Variants in PCMTD1 observed in about 807,000 individuals in gnomAD.
PCMTD1 encodes the protein protein-L-isoaspartate (D-aspartate) O-methyltransferase domain containing 1, also known as protein-L-isoaspartate O-methyltransferase domain-containing protein 1.
In PCMTD1, 12 loss-of-function variants were observed where a neutral mutation model predicts 37.6. The observed-to-expected ratio is 0.32, with a 90% CI of 0.20 to 0.52. PCMTD1 has a LOEUF of 0.52. PCMTD1 is among the 20% of genes least tolerant of loss of function. PCMTD1 has a pLI of 0.97. For missense variants in PCMTD1, 235 were observed against 421.3 expected (o/e 0.56, Z 3.87); for synonymous variants, 117 against 135.8 (o/e 0.86, Z 0.96).
chr8:51,886,617 C>T (rs1310438165), intron 1 of PCMTD1, among the ~76,000 whole-genome samples: 3 of 152,154 alleles, frequency 2.0e-5, no homozygotes, highest in African/African-American at 7.2e-5. Context: ...CTCAATGCCA[C>T]CCCCATTTAA....
rs116346929 is a variant in PCMTD1 at position 51,876,866 on chromosome 8, A to G, written c.-95-15620T>C. The stretch of plus-strand genomic sequence containing the variant: ...TAGAATGGCAACTAATAAATGTAGA[A>G]GAAATAATGGTGTTAGAAAAACACC... On this transcript the variant is annotated intron_variant, in intron 1 of 5. Transcript: ENST00000522514. Among the ~76,000 whole-genome samples, 135 of 152,368 alleles carry G rather than the reference A, an allele frequency of 8.9e-4. 1 individual carries two copies. Among genetic ancestry groups the G allele is most frequent in the African/African-American group, 3.1e-3 (130 of 41,592 alleles).
chr8:51,844,622 G>A (rs915860694), intron 3 of PCMTD1, among the ~76,000 whole-genome samples: 1 of 152,136 alleles, frequency 6.6e-6, no homozygotes, highest in South Asian at 2.1e-4. Flanking sequence ...AGAGGAAGGG[G>A]AGGAAGGCCA....
intron 5 of PCMTD1, among the ~76,000 whole-genome samples, chr8:51,823,909 G>A (rs938074987): frequency 1.3e-5 from 2 of 152,106 alleles, no homozygotes; most frequent in Non-Finnish European, 2.9e-5. Context: ...ATCAATAAAC[G>A]TAATCCATCA....
At chr8:51,845,930 T>C (rs2038211784) in intron 2 of PCMTD1, among the ~76,000 whole-genome samples, 167 bp from the exon 3 acceptor site, 1 of 152,060 alleles carries the variant, frequency 6.6e-6, no homozygotes, top group South Asian at 2.1e-4. Context: ...TCCACGTACA[T>C]TGCTTTAATG....
chr8:51,868,892 A>G (rs1198083436), intron 1 of PCMTD1, among the ~76,000 whole-genome samples: 1 of 152,204 alleles, frequency 6.6e-6, no homozygotes, highest in Non-Finnish European at 1.5e-5. Context: ...AACCACTGTC[A>G]TTATTAACTT....
At chr8:51,895,938 C>CTTTTTT (rs869265261) in intron 1 of PCMTD1, 315 of 25,652 alleles carry the variant, frequency 0.012, no homozygotes, top group African/African-American at 0.014. Flanking sequence ...TGTCCCATTT[C>CTTTTTT]TTTTTTTTTT....
At chr8:51,821,772 C>T (rs1349381044) in intron 5 of PCMTD1, among the ~76,000 whole-genome samples, 2 of 150,500 alleles carry the variant, frequency 1.3e-5, no homozygotes, top group Admixed American at 6.6e-5. Flanking sequence ...GAGTTTCACT[C>T]TGTCACCAGG....
chr8:51,851,072 TATTTA>T (rs1423787276), intron 2 of PCMTD1, among the ~76,000 whole-genome samples: 11 of 152,338 alleles, frequency 7.2e-5, no homozygotes, highest in African/African-American at 2.2e-4. Flanking sequence ...TATTAAGATA[TATTTA>T]ATTTATTTCT....
intron 2 of PCMTD1, among the ~76,000 whole-genome samples, chr8:51,847,540 T>C (rs2038239664): frequency 1.3e-5 from 2 of 151,978 alleles, no homozygotes; most frequent in Admixed American, 6.6e-5. Flanking sequence ...GGCTTGAGAA[T>C]TGCTTCAACT....
At chr8:51,845,437 A>C in intron 3 of PCMTD1, 1 of 389,276 alleles carries the variant, frequency 2.6e-6, no homozygotes, top group Non-Finnish European at 4.7e-6. Flanking sequence ...CATTACTAAT[A>C]AAGTTGTAGT....
intron 2 of PCMTD1, among the ~76,000 whole-genome samples, chr8:51,860,083 A>G (rs1177693526): frequency 1.3e-5 from 2 of 152,208 alleles, no homozygotes; most frequent in Non-Finnish European, 2.9e-5. Flanking sequence ...TCTTCCACCT[A>G]TATTCCATGT....
intron 2 of PCMTD1, among the ~76,000 whole-genome samples, chr8:51,847,172 A>G (rs1178359293): frequency 1.3e-5 from 2 of 152,210 alleles, no homozygotes; most frequent in Non-Finnish European, 2.9e-5. Flanking sequence ...GTAAAACTAA[A>G]ATTTTTATAT....
At chr8:51,822,285 T>C (rs1346431294) in intron 5 of PCMTD1, among the ~76,000 whole-genome samples, 2 of 151,842 alleles carry the variant, frequency 1.3e-5, no homozygotes, top group Non-Finnish European at 2.9e-5. Flanking sequence ...GCAGTATAGA[T>C]GGGAGAGATG....
At chr8:51,898,608 C>A (rs1014147671) in intron 1 of PCMTD1, among the ~76,000 whole-genome samples, 1 of 152,044 alleles carries the variant, frequency 6.6e-6, no homozygotes, top group African/African-American at 2.4e-5. Flanking sequence ...GCCGAGGACG[C>A]GGCGCCCCGG....
At chr8:51,834,258 T>C (rs1464822961) in intron 3 of PCMTD1, among the ~76,000 whole-genome samples, 6 of 152,198 alleles carry the variant, frequency 3.9e-5, no homozygotes, top group Non-Finnish European at 5.9e-5. Flanking sequence ...GGAACATCAC[T>C]GAATGGGACA....
intron 1 of PCMTD1, among the ~76,000 whole-genome samples, chr8:51,862,140 T>C (rs2038480776): frequency 6.6e-6 from 1 of 152,162 alleles, no homozygotes; most frequent in Non-Finnish European, 1.5e-5. Flanking sequence ...AAAACCACAA[T>C]TCAAAAATGC....
At chr8:51,874,357 AT>A (rs1431300842) in intron 1 of PCMTD1, among the ~76,000 whole-genome samples, 12 of 146,478 alleles carry the variant, frequency 8.2e-5, no homozygotes, top group African/African-American at 3.0e-4. Flanking sequence ...CCGGGGCTGC[AT>A]TTAACAACTC....
At chr8:51,897,454 T>C (rs982443361) in intron 1 of PCMTD1, among the ~76,000 whole-genome samples, 6 of 152,164 alleles carry the variant, frequency 3.9e-5, no homozygotes, top group Admixed American at 2.6e-4. Context: ...ATTAGCTACT[T>C]CATGTTAAAG....
chr8:51,855,243 C>T (rs1281043197), intron 2 of PCMTD1, among the ~76,000 whole-genome samples: 1 of 73,440 alleles, frequency 1.4e-5, no homozygotes, highest in Non-Finnish European at 3.0e-5. Flanking sequence ...AAAAAAAAAA[C>T]AGAGCAAGGC....
Sources: gnomAD v4.1 joint callset for allele counts (sites outside exome capture counted in the v4.1 genomes callset) on GRCh38, gnomAD v4.1.1 for gene constraint, MANE v1.5 for transcripts, NCBI Gene and HGNC (gene_info 2026-07-23, HGNC 2026-07-21) for gene names.